Variants in CR1L observed in about 807,000 individuals in gnomAD.
The protein encoded by CR1L is complement component receptor 1-like protein.
CR1L carries 59 observed loss-of-function variants against 62.3 expected under a neutral mutation model. That is an observed-to-expected ratio of 0.95 (90% CI 0.77 to 1.18). The LOEUF is 1.18. Among genes scored for constraint, CR1L ranks in the 50% most tolerant of loss-of-function variants. CR1L has a pLI of 0.00. For synonymous variants in CR1L, 279 were observed against 248.7 expected, an observed-to-expected ratio of 1.12 and a Z score of -1.15; for missense variants, 700 against 702.8, an observed-to-expected ratio of 1.00 and a Z score of 0.04.
intron 10 of CR1L, among the ~76,000 whole-genome samples, chr1:207,712,539 C>T (rs1664375078): frequency 1.3e-5 from 2 of 152,180 alleles, no homozygotes; most frequent in South Asian, 2.1e-4. Flanking sequence ...TGTCAGCCGC[C>T]TCCAGAAATC....
chr1:207,679,266 A>C (rs1358043725), intron 3 of CR1L, among the ~76,000 whole-genome samples: 1 of 150,556 alleles, frequency 6.6e-6, no homozygotes, highest in Admixed American at 6.6e-5. Flanking sequence ...CGGCCTCCCA[A>C]AGTGCTGGGA....
At chr1:207,654,858 G>A (rs537018087) in intron 1 of CR1L, among the ~76,000 whole-genome samples, 35 of 152,294 alleles carry the variant, frequency 2.3e-4, no homozygotes, top group African/African-American at 7.9e-4. Context: ...TCTCTCTACA[G>A]TCTTGTCCTT....
intron 1 of CR1L, 127 bp from the exon 2 acceptor site, chr1:207,677,262 C>A (rs538431014): frequency 2.2e-6 from 2 of 913,500 alleles, no homozygotes; most frequent in South Asian, 2.5e-5. Context: ...GGCAGAGGAT[C>A]GCACCACTGC....
intron 1 of CR1L, among the ~76,000 whole-genome samples, chr1:207,667,275 C>T (rs751666120): frequency 6.6e-6 from 1 of 152,178 alleles, no homozygotes; most frequent in African/African-American, 2.4e-5. Flanking sequence ...TTCAGGAGAT[C>T]GTAAGTCCAC....
chr1:207,660,395 G>C (rs918209022), intron 1 of CR1L, among the ~76,000 whole-genome samples: 6 of 152,232 alleles, frequency 3.9e-5, no homozygotes, highest in Non-Finnish European at 8.8e-5. Context: ...ACAAGGTCTG[G>C]AGTGGACCTC....
intron 9 of CR1L, among the ~76,000 whole-genome samples, chr1:207,703,017 G>C (rs1664216617): frequency 6.6e-6 from 1 of 152,228 alleles, no homozygotes; most frequent in Non-Finnish European, 1.5e-5. Flanking sequence ...CCGGGAAGCA[G>C]AAGTTGCCGA....
At chr1:207,673,789 A>G (rs1418803790) in intron 1 of CR1L, among the ~76,000 whole-genome samples, 1 of 152,200 alleles carries the variant, frequency 6.6e-6, no homozygotes, top group East Asian at 1.9e-4. Context: ...CACACCTGTC[A>G]TATTACTCAG....
intron 1 of CR1L, chr1:207,669,091 G>A (rs1663567419): frequency 4.1e-6 from 1 of 244,278 alleles, no homozygotes; most frequent in Admixed American, 5.3e-5. Flanking sequence ...AAGTCAAGCA[G>A]GGTGTTTGGA....
At chr1:207,652,802 C>G (rs776347316) in intron 1 of CR1L, 1 of 639,214 alleles carries the variant, frequency 1.6e-6, no homozygotes, top group African/African-American at 1.8e-5. Context: ...TTTTAGGGTA[C>G]ATATTCCACT....
chr1:207,697,447 A>C, intron 5 of CR1L, 56 bp from the exon 6 acceptor site: 1 of 1,612,792 alleles, frequency 6.2e-7, no homozygotes, highest in Middle Eastern at 1.9e-4. Context: ...CCAGTTTAAC[A>C]GTGAGAGAAA....
intron 1 of CR1L, among the ~76,000 whole-genome samples, chr1:207,647,926 A>G (rs1436586550): frequency 6.6e-6 from 1 of 152,162 alleles, no homozygotes; most frequent in African/African-American, 2.4e-5. Flanking sequence ...TTTAAAGATT[A>G]ATGTTTAGAA....
chr1:207,692,027 C>T (rs1664005223), intron 4 of CR1L, among the ~76,000 whole-genome samples: 2 of 152,164 alleles, frequency 1.3e-5, no homozygotes, highest in Non-Finnish European at 2.9e-5. Context: ...TTGGTTATAG[C>T]TCAGCGTTTG....
chr1:207,663,975 G>C (rs139452613), intron 1 of CR1L, among the ~76,000 whole-genome samples: 1 of 151,594 alleles, frequency 6.6e-6, no homozygotes, highest in Non-Finnish European at 1.5e-5. Flanking sequence ...ACCTCATAAT[G>C]TTATTCTTTT....
intron 4 of CR1L, among the ~76,000 whole-genome samples, chr1:207,688,436 A>T (rs746960742): frequency 2.0e-5 from 3 of 151,638 alleles, no homozygotes; most frequent in Non-Finnish European, 4.4e-5. Context: ...CCATACTATA[A>T]TGGCAAAAAA....
At chr1:207,685,285 G>A (rs145650677) in intron 4 of CR1L, among the ~76,000 whole-genome samples, 1 of 152,188 alleles carries the variant, frequency 6.6e-6, no homozygotes. Flanking sequence ...GCGTAGCATG[G>A]TGCTTCCTCA....
chr1:207,654,402 A>C (rs1299569340), intron 1 of CR1L, among the ~76,000 whole-genome samples: 1 of 152,214 alleles, frequency 6.6e-6, no homozygotes, highest in Non-Finnish European at 1.5e-5. Context: ...TCCTAAAAGA[A>C]GTTCTAACCT....
In CR1L at chr1:207,717,533, C is replaced by A. The variant is rs1424275804; in HGVS notation, c.1484C>A (p.Pro495His). 5 of 1,613,606 alleles carry A rather than the reference C, an allele frequency of 3.1e-6. No individual in the cohort carries two copies. Among genetic ancestry groups the A allele is most frequent in the Non-Finnish European group, 4.2e-6 (5 of 1,179,716 alleles). Residue 495 changes from proline to histidine, a missense_variant, in exon 11 of 12, where the codon CCC (proline) becomes CAC (histidine). By Grantham distance (77) the Pro-to-His change is moderately conservative (BLOSUM62 -2). Transcript: ENST00000508064. ...RHTGTPLGDI[P>H]YGKEVSYTCD... ...ACAGGAACTCCCCTTGGAGATATTCCCTATGGAAAAGAAGTATCTTACACA... is the reference window on the plus strand; with the variant it reads ...ACAGGAACTCCCCTTGGAGATATTCACTATGGAAAAGAAGTATCTTACACA...
chr1:207,653,087 T>C (rs912320160), intron 1 of CR1L: 4 of 215,092 alleles, frequency 1.9e-5, no homozygotes, highest in Non-Finnish European at 3.7e-5. Flanking sequence ...AGGAAAAACA[T>C]GTCCATGTAT....
At chr1:207,676,762 C>A (rs1663698178) in intron 1 of CR1L, among the ~76,000 whole-genome samples, 1 of 152,156 alleles carries the variant, frequency 6.6e-6, no homozygotes, top group Non-Finnish European at 1.5e-5. Context: ...TCAAATGATT[C>A]TCCTGCCTCA....
Sources: gnomAD v4.1 joint callset for allele counts (sites outside exome capture counted in the v4.1 genomes callset) on GRCh38, gnomAD v4.1.1 for gene constraint, MANE v1.5 for transcripts, NCBI Gene and HGNC (gene_info 2026-07-23, HGNC 2026-07-21) for gene names.